TEK: variants seen among roughly 807,000 people sequenced by gnomAD.
TEK encodes angiopoietin-1 receptor.
TEK carries 43 observed loss-of-function variants against 131.8 expected under a neutral mutation model. That is an observed-to-expected ratio of 0.33 (90% CI 0.26 to 0.42). The LOEUF is 0.42. Among genes scored for constraint, TEK ranks in the 10% least tolerant of loss-of-function variants. The probability of loss-of-function intolerance (pLI) is 1.00; values close to 1 mark genes in which losing one functional copy is unlikely to be tolerated. For missense variants in TEK, 1,162 were observed against 1,384.4 expected (o/e 0.84, Z 2.55); for synonymous variants, 580 against 491.6 (o/e 1.18, Z -2.38).
chr9:27,125,016 C>T (rs536159339), intron 1 of TEK, among the ~76,000 whole-genome samples: 197 of 152,258 alleles, frequency 1.3e-3, no homozygotes, highest in Non-Finnish European at 2.2e-3. Context: ...TTTTTCCTCT[C>T]TCATAACTGC....
intron 21 of TEK, among the ~76,000 whole-genome samples, chr9:27,221,814 A>C (rs1028608673): frequency 6.6e-6 from 1 of 152,244 alleles, no homozygotes; most frequent in Non-Finnish European, 1.5e-5. Context: ...TGAAAATTCC[A>C]AAAACCAGAA....
At chr9:27,217,847 C>A in intron 19 of TEK, 89 bp downstream of exon 19, 3 of 1,202,156 alleles carry the variant, frequency 2.5e-6, no homozygotes, top group South Asian at 1.2e-5. Flanking sequence ...ACAGGAATGT[C>A]CTGTAGCTCT....
At chr9:27,211,243 G>GAATATATGTGCATATA (rs1825615665) in intron 16 of TEK, among the ~76,000 whole-genome samples, 1 of 148,406 alleles carries the variant, frequency 6.7e-6, no homozygotes, top group African/African-American at 2.5e-5. Context: ...GCATATATAT[G>GAATATATGTGCATATA]TATTTAAGGT....
intron 2 of TEK, among the ~76,000 whole-genome samples, chr9:27,160,222 G>T (rs1236078319): frequency 6.6e-6 from 1 of 151,772 alleles, no homozygotes; most frequent in African/African-American, 2.4e-5. Context: ...TGGGGGTCCT[G>T]CTTTGCTGCC....
At chr9:27,201,604 G>A (rs1456846522) in intron 12 of TEK, among the ~76,000 whole-genome samples, 1 of 152,142 alleles carries the variant, frequency 6.6e-6, no homozygotes, top group Non-Finnish European at 1.5e-5. Context: ...ATAACAATCA[G>A]ATTTGGAAGG....
intron 1 of TEK, among the ~76,000 whole-genome samples, chr9:27,137,749 A>C (rs1822535165): frequency 6.6e-6 from 1 of 152,180 alleles, no homozygotes. Context: ...TGTGAATTCT[A>C]CCCACACCTA....
intron 2 of TEK, among the ~76,000 whole-genome samples, chr9:27,161,295 C>G (rs534739947): frequency 6.6e-6 from 1 of 152,226 alleles, no homozygotes; most frequent in Non-Finnish European, 1.5e-5. Flanking sequence ...CCATCACTCA[C>G]CAGCTGTGTG....
At position 27,228,566 on chromosome 9, in the gene TEK, G is replaced by A. The variant is rs10812540; in HGVS notation, c.3300+261G>A. Among the ~76,000 whole-genome samples, 14,224 of 152,052 alleles carry A rather than the reference G, an allele frequency of 0.094. 890 individuals carry two copies. Among genetic ancestry groups the A allele is most frequent in the Admixed American group, 0.16 (2,497 of 15,250 alleles). The stretch of plus-strand genomic sequence containing the variant: ...CCTATTAGAGTTGGAAGGAATTTTC[G>A]TCATATAGCCTGACCCTTTAATTTT... On this transcript the variant is annotated intron_variant, in intron 22 of 22. Transcript: ENST00000380036.
chr9:27,157,894 A>T lies in TEK; in HGVS notation c.116A>T (p.Glu39Val), dbSNP rs1587530870. The change falls in exon 2 of 23, where the codon GAA (glutamate) becomes GTA (valine). Residue 39 changes from glutamate to valine, a missense_variant. This residue lies in a region of TEK where 436 missense variants were observed against 539.1 expected (regional missense o/e 0.81). Coordinates refer to ENST00000380036, the MANE Select transcript of TEK (RefSeq NM_000459.5). ...INSLPLVSDA[E>V]TSLTCIASGW... Reference sequence around the variant, plus strand: ...TCCCTACCTCTTGTATCTGATGCTGAAACATCTCTCACCTGCATTGCCTCT... The same window carrying T: ...TCCCTACCTCTTGTATCTGATGCTGTAACATCTCTCACCTGCATTGCCTCT... The T allele has an allele frequency of 1.9e-6, 3 of 1,614,132 alleles. No individual in the cohort carries two copies. Among genetic ancestry groups the T allele is most frequent in the Middle Eastern group, 1.6e-4 (1 of 6,062 alleles).
At position 27,218,785 on chromosome 9, in the gene TEK, A is replaced by T. The variant is rs775661158; in HGVS notation, c.3071A>T (p.Tyr1024Phe). 28 of 1,613,798 alleles carry T rather than the reference A, an allele frequency of 1.7e-5. No individual in the cohort carries two copies. In the East Asian group the frequency reaches 5.8e-4, roughly 33 times the overall value. ...VYTTNSDVWS[Y>F]GVLLWEIVSL... ...ACTTGTCCCTCCTGCAGATGGTCCT[A>T]TGGTGTGTTACTATGGGAGATTGTT... is the stretch of plus-strand genomic sequence containing the variant. The change falls in exon 20 of 23, where the codon TAT becomes TTT. Residue 1024 changes from tyrosine (Y) to phenylalanine (F), a missense_variant. Tyr to Phe is a conservative substitution (Grantham distance 22). Transcript: ENST00000380036.
chr9:27,120,492 A>G (rs1384381131), intron 1 of TEK, among the ~76,000 whole-genome samples: 1 of 152,280 alleles, frequency 6.6e-6, no homozygotes, highest in Non-Finnish European at 1.5e-5. Flanking sequence ...TATGTGGGAT[A>G]ATGATCCCAG....
At chr9:27,144,471 CTT>C (rs1822841893) in intron 1 of TEK, among the ~76,000 whole-genome samples, 1 of 152,210 alleles carries the variant, frequency 6.6e-6, no homozygotes, top group African/African-American at 2.4e-5. Flanking sequence ...AGAACTCTCT[CTT>C]AACGAATGCG....
intron 11 of TEK, 65 bp from the exon 12 acceptor site, chr9:27,197,250 T>C: frequency 6.4e-7 from 1 of 1,557,284 alleles, no homozygotes; most frequent in Non-Finnish European, 8.8e-7. Context: ...GAGATTTGGG[T>C]GGGGACACTA....
chr9:27,159,354 C>T (rs1276744561), intron 2 of TEK, among the ~76,000 whole-genome samples: 1 of 152,194 alleles, frequency 6.6e-6, no homozygotes, highest in Admixed American at 6.5e-5. Flanking sequence ...ACTTCTGCTT[C>T]ATTTTATCAA....
intron 1 of TEK, among the ~76,000 whole-genome samples, chr9:27,116,271 A>G (rs924358623): frequency 3.3e-5 from 5 of 151,822 alleles, no homozygotes; most frequent in African/African-American, 1.2e-4. Context: ...GTTCATGTTG[A>G]TTTTGAGGCT....
chr9:27,210,145 A>G (rs1212946917), intron 16 of TEK, among the ~76,000 whole-genome samples: 3 of 152,222 alleles, frequency 2.0e-5, no homozygotes, highest in Non-Finnish European at 4.4e-5. Flanking sequence ...TAAGGGTGTA[A>G]TTCTGAAAGC....
chr9:27,217,810 T>C (rs758100880), intron 19 of TEK, 52 bp downstream of exon 19: 4 of 1,507,898 alleles, frequency 2.7e-6, no homozygotes, highest in Admixed American at 1.7e-5. Context: ...CAGAAACATA[T>C]ACATTTGACA....
chr9:27,216,124 C>A (rs1190291143), intron 18 of TEK, among the ~76,000 whole-genome samples: 2 of 152,090 alleles, frequency 1.3e-5, no homozygotes, highest in Non-Finnish European at 2.9e-5. Context: ...CCTGAAGGGC[C>A]TTGAATTCCA....
chr9:27,157,176 A>C (rs1207287589), intron 1 of TEK, among the ~76,000 whole-genome samples: 1 of 152,200 alleles, frequency 6.6e-6, no homozygotes, highest in Non-Finnish European at 1.5e-5. Flanking sequence ...AGGAAACAGA[A>C]TAAAGAGAAA....
Sources: gnomAD v4.1 joint callset for allele counts (sites outside exome capture counted in the v4.1 genomes callset) on GRCh38, gnomAD v4.1.1 for gene constraint, gnomAD v4.1.1 regional missense constraint, MANE v1.5 for transcripts, NCBI Gene and HGNC (gene_info 2026-07-23, HGNC 2026-07-21) for gene names.